Variants in ACBD6 observed in about 807,000 individuals in gnomAD.
ACBD6 encodes acyl-CoA binding domain containing 6.
ACBD6 carries 28 observed loss-of-function variants against 37.2 expected under a neutral mutation model. The observed-to-expected ratio is 0.75, with a 90% CI of 0.56 to 1.03. The LOEUF is 1.03. Ranked by LOEUF, ACBD6 falls within the 50% of genes least tolerant of loss-of-function variation. ACBD6 has a pLI of 0.00. For synonymous variants in ACBD6, 113 were observed against 126.8 expected (o/e 0.89, Z 0.73); for missense variants, 340 against 337.4 (o/e 1.01, Z -0.06).
At chr1:180,498,302 T>C (rs1651813504) in intron 1 of ACBD6, among the ~76,000 whole-genome samples, 1 of 152,226 alleles carries the variant, frequency 6.6e-6, no homozygotes, top group South Asian at 2.1e-4. Context: ...TTGAGTTGTT[T>C]TCCTTGAAGT....
chr1:180,444,335 A>C (rs1271219084), intron 3 of ACBD6, among the ~76,000 whole-genome samples: 1 of 152,074 alleles, frequency 6.6e-6, no homozygotes, highest in Non-Finnish European at 1.5e-5. Context: ...TAGAAAAAAA[A>C]CTGACCCCAT....
chr1:180,457,793 GT>G (rs200745890), intron 3 of ACBD6, among the ~76,000 whole-genome samples: 8,925 of 136,486 alleles, frequency 0.065, 551 homozygotes, highest in African/African-American at 0.18. Flanking sequence ...AAAATTAACT[GT>G]TTTTTTTTTT....
chr1:180,338,375 A>C (rs1206385214), intron 6 of ACBD6, among the ~76,000 whole-genome samples: 1 of 152,176 alleles, frequency 6.6e-6, no homozygotes, highest in Non-Finnish European at 1.5e-5. Flanking sequence ...ATAATGCCAC[A>C]CATCTACAAC....
exon 14 of ACBD6, chr1:180,271,000 G>A: frequency 3.1e-6 from 1 of 326,744 alleles, no homozygotes; most frequent in South Asian, 2.6e-5. Context: ...ACTTCAACCT[G>A]GCTGTTCACC....
At chr1:180,426,996 A>T (rs1003171278) in intron 4 of ACBD6, among the ~76,000 whole-genome samples, 1 of 152,224 alleles carries the variant, frequency 6.6e-6, no homozygotes, top group African/African-American at 2.4e-5. Context: ...AGAATGAGAA[A>T]TTGATGTCAG....
At chr1:180,408,648 C>A (rs2101967081) in intron 5 of ACBD6, among the ~76,000 whole-genome samples, 1 of 151,556 alleles carries the variant, frequency 6.6e-6, no homozygotes, top group Non-Finnish European at 1.5e-5. Context: ...TGCACATGTA[C>A]CCTAAAACTT....
chr1:180,429,736 T>C (rs535737108), intron 4 of ACBD6, among the ~76,000 whole-genome samples: 1 of 152,286 alleles, frequency 6.6e-6, no homozygotes, highest in South Asian at 2.1e-4. Context: ...AATTAACTTT[T>C]AATTAAACAA....
intron 6 of ACBD6, among the ~76,000 whole-genome samples, chr1:180,323,373 C>T (rs1171736530): frequency 6.6e-6 from 1 of 152,050 alleles, no homozygotes; most frequent in South Asian, 2.1e-4. Flanking sequence ...AGAATGTGTA[C>T]TGTACAGTCA....
At chr1:180,498,168 C>T (rs765833176) in intron 1 of ACBD6, among the ~76,000 whole-genome samples, 15 of 152,200 alleles carry the variant, frequency 9.9e-5, no homozygotes, top group Non-Finnish European at 1.3e-4. Context: ...ACTGTCACCA[C>T]TTATCTCATC....
At chr1:180,354,273 T>C (rs903313096) in intron 6 of ACBD6, among the ~76,000 whole-genome samples, 1 of 152,212 alleles carries the variant, frequency 6.6e-6, no homozygotes, top group African/African-American at 2.4e-5. Context: ...CACAATCTGC[T>C]TCTACAGCTC....
intron 3 of ACBD6, among the ~76,000 whole-genome samples, chr1:180,467,448 C>CAAAAAAAAAAAAAAAAA (rs57941230): frequency 2.8e-5 from 2 of 72,534 alleles, no homozygotes; most frequent in African/African-American, 5.8e-5. Context: ...TCCATCTCTG[C>CAAAAAAAAAAAAAAAAA]AAAAAAAAAA....
intron 6 of ACBD6, among the ~76,000 whole-genome samples, chr1:180,383,455 T>C (rs1255090211): frequency 6.6e-6 from 1 of 151,774 alleles, no homozygotes; most frequent in Non-Finnish European, 1.5e-5. Flanking sequence ...ATAAAAAAAA[T>C]ACCTGGGAAT....
At chr1:180,391,796 C>G (rs1174988283) in intron 6 of ACBD6, among the ~76,000 whole-genome samples, 1 of 152,072 alleles carries the variant, frequency 6.6e-6, no homozygotes, top group Non-Finnish European at 1.5e-5. Context: ...CAATTCTACT[C>G]CTAGGTATAC....
At chr1:180,360,209 A>C (rs1265196348) in intron 6 of ACBD6, among the ~76,000 whole-genome samples, 1 of 152,194 alleles carries the variant, frequency 6.6e-6, no homozygotes, top group Non-Finnish European at 1.5e-5. Context: ...TTCTATCTTC[A>C]TGTTATTTCC....
At chr1:180,290,005 G>A (rs1306413917) in intron 7 of ACBD6, among the ~76,000 whole-genome samples, 1 of 152,110 alleles carries the variant, frequency 6.6e-6, no homozygotes. Context: ...ATGCACAGGA[G>A]GTTCAAAGAT....
At chr1:180,391,337 T>C (rs1654069619) in intron 6 of ACBD6, among the ~76,000 whole-genome samples, 1 of 152,108 alleles carries the variant, frequency 6.6e-6, no homozygotes. Flanking sequence ...TTTTATGTTT[T>C]AAAGGACACT....
chr1:180,321,602 T>G (rs1050880583), intron 6 of ACBD6, among the ~76,000 whole-genome samples: 1 of 152,150 alleles, frequency 6.6e-6, no homozygotes, highest in Non-Finnish European at 1.5e-5. Flanking sequence ...GAAATGCTAC[T>G]GATTTTTGTA....
In ACBD6 at chr1:180,502,459, G is replaced by A; in HGVS notation, c.-193C>T. 1.5e-6 allele frequency: 1 copy of A among 652,870 alleles called. No homozygotes were observed. Among genetic ancestry groups the A allele is most frequent in the East Asian group, 2.8e-5 (1 of 36,124 alleles). 40.4% of individuals were successfully genotyped at this position (652,870 alleles called of 1,614,324 possible). On this transcript the variant is annotated 5_prime_UTR_variant, in exon 1 of 8. Transcript: ENST00000367595. The stretch of plus-strand genomic sequence containing the variant: ...TCTACTCCCTGGGCGTGCAGAGCAG[G>A]CTCCTCGACCCTCTGCCGCTCTGCC...
intron 5 of ACBD6, among the ~76,000 whole-genome samples, chr1:180,401,131 G>A (rs1172035034): frequency 6.6e-6 from 1 of 152,168 alleles, no homozygotes; most frequent in Non-Finnish European, 1.5e-5. Flanking sequence ...GTGAGGGAGA[G>A]CCATTATTAA....
Sources: allele counts gnomAD v4.1 joint callset (sites outside exome capture counted in the v4.1 genomes callset), GRCh38; gene constraint gnomAD v4.1.1; transcripts MANE v1.5; gene names NCBI Gene and HGNC (gene_info 2026-07-23, HGNC 2026-07-21).